Variants in SNX29 observed in about 807,000 individuals in gnomAD.
SNX29 encodes the protein sorting nexin-29.
In SNX29, 78 loss-of-function variants were observed where a neutral mutation model predicts 102.1. That is an observed-to-expected ratio of 0.76 (90% CI 0.64 to 0.92). The LOEUF (loss-of-function observed/expected upper bound fraction) is 0.92. Among genes scored for constraint, SNX29 ranks in the 40% least tolerant of loss-of-function variants. The pLI is 0.00. For synonymous variants in SNX29, 580 were observed against 414.5 expected, an observed-to-expected ratio of 1.40 and a Z score of -4.85; for missense variants, 1,280 against 1,061.7, an observed-to-expected ratio of 1.21 and a Z score of -2.86.
chr16:12,395,808 T>C (rs2051691985), intron 16 of SNX29, among the ~76,000 whole-genome samples: 1 of 149,176 alleles, frequency 6.7e-6, no homozygotes, highest in Non-Finnish European at 1.5e-5. Flanking sequence ...GAATATAAAA[T>C]AGAATCAGCT....
At chr16:12,511,734 T>C (rs775059847) in intron 19 of SNX29, among the ~76,000 whole-genome samples, 2 of 152,164 alleles carry the variant, frequency 1.3e-5, no homozygotes, top group Non-Finnish European at 2.9e-5. Context: ...ATTCCTCTCT[T>C]GAGCTGCCCA....
chr16:12,437,260 T>C (rs1484583578), intron 18 of SNX29, among the ~76,000 whole-genome samples: 1 of 152,258 alleles, frequency 6.6e-6, no homozygotes, highest in Non-Finnish European at 1.5e-5. Context: ...CTTCCTTTCT[T>C]GGTCTGTTTC....
At chr16:12,398,143 T>C (rs1419664602) in intron 16 of SNX29, among the ~76,000 whole-genome samples, 1 of 152,220 alleles carries the variant, frequency 6.6e-6, no homozygotes, top group Non-Finnish European at 1.5e-5. Context: ...AGATCCTAAT[T>C]AGGCCTTTAT....
intron 13 of SNX29, among the ~76,000 whole-genome samples, chr16:12,196,883 C>T (rs542827427): frequency 2.8e-4 from 43 of 152,238 alleles, no homozygotes; most frequent in Non-Finnish European, 5.3e-4. Flanking sequence ...AGCCTCCCAG[C>T]GTGCTGGGAT....
At chr16:12,199,051 C>T (rs1402944865) in intron 13 of SNX29, among the ~76,000 whole-genome samples, 1 of 152,016 alleles carries the variant, frequency 6.6e-6, no homozygotes, top group East Asian at 1.9e-4. Flanking sequence ...GGAGTTGGTC[C>T]AACTGCTTGT....
intron 16 of SNX29, among the ~76,000 whole-genome samples, chr16:12,368,261 C>T (rs1211870417): frequency 6.6e-6 from 1 of 152,220 alleles, no homozygotes; most frequent in Non-Finnish European, 1.5e-5. Context: ...TTACACTTCC[C>T]TGAAGATCAA....
chr16:12,016,049 G>C (rs2056838143), intron 3 of SNX29, among the ~76,000 whole-genome samples: 1 of 151,446 alleles, frequency 6.6e-6, no homozygotes, highest in East Asian at 2.0e-4. Context: ...GTTTTTATTA[G>C]AGACGGGATT....
rs141519311 is a variant in SNX29 at position 12,516,806 on chromosome 16, C to T, written c.2179-7896C>T. On this transcript the variant is annotated intron_variant, in intron 19 of 20. Transcript: ENST00000566228. ...GGGGCCCACTGGGGAGCGGGACATG[C>T]GTTGCAAAGACACACTTGTCAGAAA... 5.3e-4 allele frequency among the ~76,000 whole-genome samples: 81 copies of T among 152,266 alleles called. 1 individual carries two copies. The highest frequency in any genetic ancestry group is 1.7e-3 in the African/African-American group (69 of 41,544).
At chr16:12,264,753 A>T in intron 14 of SNX29, among the ~76,000 whole-genome samples, 1 of 151,648 alleles carries the variant, frequency 6.6e-6, no homozygotes, top group East Asian at 1.9e-4. Flanking sequence ...CTGCACTCCA[A>T]CGAGACTCTG....
chr16:12,264,324 C>G (rs569850862), intron 14 of SNX29, among the ~76,000 whole-genome samples: 2 of 152,306 alleles, frequency 1.3e-5, no homozygotes, highest in African/African-American at 4.8e-5. Flanking sequence ...TTTTGAAATT[C>G]CAAGGTTCTC....
intron 18 of SNX29, among the ~76,000 whole-genome samples, chr16:12,404,369 T>C (rs2084080775): frequency 6.6e-6 from 1 of 152,148 alleles, no homozygotes; most frequent in Admixed American, 6.5e-5. Context: ...GAAGCCTCTT[T>C]TAGCCCTGCC....
At chr16:12,350,029 C>G (rs938396679) in intron 15 of SNX29, among the ~76,000 whole-genome samples, 3 of 152,184 alleles carry the variant, frequency 2.0e-5, no homozygotes, top group African/African-American at 7.2e-5. Context: ...AGTTTCTTTC[C>G]TCCTCTGATG....
chr16:12,564,679 C>A (rs1019488945), intron 20 of SNX29, among the ~76,000 whole-genome samples: 2 of 152,182 alleles, frequency 1.3e-5, no homozygotes, highest in Admixed American at 6.5e-5. Context: ...TCCACACATT[C>A]CTCTGTTGCT....
At chr16:12,531,524 G>C (rs977704695) in intron 20 of SNX29, among the ~76,000 whole-genome samples, 4 of 152,204 alleles carry the variant, frequency 2.6e-5, no homozygotes, top group African/African-American at 9.7e-5. Context: ...CAGGTGTGCA[G>C]CACCATCTGC....
intron 16 of SNX29, among the ~76,000 whole-genome samples, chr16:12,360,514 G>A (rs2082271098): frequency 6.6e-6 from 1 of 152,168 alleles, no homozygotes; most frequent in Admixed American, 6.5e-5. Flanking sequence ...CCCCAACGAT[G>A]TCACAGGTGG....
chr16:12,346,195 C>A (rs945207798), intron 15 of SNX29, among the ~76,000 whole-genome samples: 6 of 151,986 alleles, frequency 3.9e-5, no homozygotes, highest in African/African-American at 1.2e-4. Context: ...GAGGGGGCTT[C>A]TGAACCTAGG....
chr16:12,483,123 T>G (rs1413979412), intron 19 of SNX29, among the ~76,000 whole-genome samples: 1 of 109,264 alleles, frequency 9.2e-6, no homozygotes. Flanking sequence ...AGTTTTTTTT[T>G]TTTTTTTTTT....
intron 12 of SNX29, among the ~76,000 whole-genome samples, chr16:12,128,788 G>A (rs949197596): frequency 1.3e-5 from 2 of 151,922 alleles, no homozygotes; most frequent in Admixed American, 1.3e-4. Flanking sequence ...CGTGGCAAGT[G>A]TCCTCTGGAT....
At chr16:12,560,726 C>A (rs906621151) in intron 20 of SNX29, 1 of 167,200 alleles carries the variant, frequency 6.0e-6, no homozygotes, top group Non-Finnish European at 1.3e-5. Flanking sequence ...ACACATTCAA[C>A]ATCAAAACCA....
Sources: allele counts gnomAD v4.1 joint callset (sites outside exome capture counted in the v4.1 genomes callset), GRCh38; gene constraint gnomAD v4.1.1; transcripts MANE v1.5; gene names NCBI Gene and HGNC (gene_info 2026-07-23, HGNC 2026-07-21).